NALCN: variants seen among roughly 807,000 people sequenced by gnomAD.
NALCN encodes the protein sodium leak channel, non-selective, also known as sodium leak channel NALCN.
Under a neutral mutation model 225.3 loss-of-function variants are expected in NALCN, and 111 were observed. The ratio of observed to expected loss-of-function variants is 0.49; its 90% CI spans 0.42 to 0.58. The LOEUF (loss-of-function observed/expected upper bound fraction) is 0.58. Ranked by LOEUF, NALCN falls within the 20% of genes least tolerant of loss-of-function variation. NALCN has a pLI of 0.00. For missense variants in NALCN, 1,378 were observed against 2,202.4 expected (o/e 0.63, Z 7.49); for synonymous variants, 764 against 769.0 (o/e 0.99, Z 0.11).
In NALCN at chr13:101,291,979, T is replaced by C. The variant is rs545567821; in HGVS notation, c.1047+11A>G. ...CGAATGGGTTATAACATCCTCTTGC[T>C]GATAGCGTACCTGGGTGGTGGCTGT... On this transcript the variant is annotated intron_variant, in intron 9 of 43. Transcript: ENST00000251127. The C allele has an allele frequency of 1.4e-4, 231 of 1,613,694 alleles. 3 individuals are homozygous for C. The South Asian group carries it at 2.4e-3, about 17-fold the overall frequency.
chr13:101,272,362 G>T (rs1295722347), intron 10 of NALCN, among the ~76,000 whole-genome samples: 1 of 152,196 alleles, frequency 6.6e-6, no homozygotes, highest in East Asian at 1.9e-4. Flanking sequence ...AAGAATTTGG[G>T]TCTGCTGTGT....
chr13:101,279,916 A>T (rs939338389), intron 10 of NALCN, among the ~76,000 whole-genome samples: 4 of 151,876 alleles, frequency 2.6e-5, no homozygotes, highest in Non-Finnish European at 4.4e-5. Context: ...CCTTGAGGGT[A>T]AGATACCATG....
intron 15 of NALCN, among the ~76,000 whole-genome samples, chr13:101,152,127 G>A (rs984631743): frequency 1.3e-5 from 2 of 152,112 alleles, no homozygotes; most frequent in Non-Finnish European, 2.9e-5. Flanking sequence ...TGGACGCATC[G>A]ACTGAAGCCA....
intron 13 of NALCN, among the ~76,000 whole-genome samples, chr13:101,221,598 C>G (rs1177672544): frequency 6.6e-6 from 1 of 152,152 alleles, no homozygotes; most frequent in Non-Finnish European, 1.5e-5. Flanking sequence ...ACCTCTACAA[C>G]CCAGGATTTT....
At position 101,145,046 on chromosome 13, in the gene NALCN, C is replaced by G. The variant is rs139619932; in HGVS notation, c.1840-150G>C. 9 of 768,520 alleles carry G rather than the reference C, an allele frequency of 1.2e-5. No individual in the cohort carries two copies. In the African/African-American group the frequency reaches 1.6e-4, roughly 14 times the overall value. The allele number at this position is 768,520 out of a possible 1,614,324, so 47.6% of individuals were successfully genotyped here. Reference sequence around the variant, plus strand: ...AGGCCTACCAAGTATACCTCTCTTGCCCGCCATAAATTGCTCTATGAGCTA... The same window carrying G: ...AGGCCTACCAAGTATACCTCTCTTGGCCGCCATAAATTGCTCTATGAGCTA... On this transcript the variant is annotated intron_variant, in intron 15 of 43. Transcript: ENST00000251127.
In NALCN at chr13:101,083,330, G is replaced by T. The variant is rs9518299; in HGVS notation, c.3584-132C>A. On this transcript the variant is annotated intron_variant, in intron 31 of 43. Coordinates refer to ENST00000251127, the MANE Select transcript of NALCN (RefSeq NM_052867.4). Reference sequence around the variant, plus strand: ...CCCAAACAGTTCCGTCTATTGTGAGGTGTTTTTGCAGCAATGGCTGGCTCT... The same window carrying T: ...CCCAAACAGTTCCGTCTATTGTGAGTTGTTTTTGCAGCAATGGCTGGCTCT... 48,942 of 756,064 alleles carry T rather than the reference G, an allele frequency of 0.065. 1,832 individuals carry two copies. The highest frequency in any genetic ancestry group is 0.11 in the South Asian group (5,982 of 53,758). The allele number at this position is 756,064 out of a possible 1,614,324, so 46.8% of individuals were successfully genotyped here.
chr13:101,262,639 T>C (rs1213877920), intron 10 of NALCN, among the ~76,000 whole-genome samples: 1 of 152,226 alleles, frequency 6.6e-6, no homozygotes, highest in Non-Finnish European at 1.5e-5. Flanking sequence ...TGGATTTATG[T>C]CTTAAGCAAA....
chr13:101,291,168 G>A (rs1391303383), intron 9 of NALCN, among the ~76,000 whole-genome samples: 1 of 152,088 alleles, frequency 6.6e-6, no homozygotes, highest in Non-Finnish European at 1.5e-5. Flanking sequence ...AATATATAGG[G>A]ATTCTTTAAA....
chr13:101,275,513 G>A (rs555513), intron 10 of NALCN, among the ~76,000 whole-genome samples: 40,094 of 151,972 alleles, frequency 0.26, 5,844 homozygotes, highest in Non-Finnish European at 0.32. Flanking sequence ...TTCCATAAAC[G>A]TGTCCTGTCG....
At chr13:101,386,960 G>A (rs2139456264) in intron 3 of NALCN, among the ~76,000 whole-genome samples, 1 of 152,140 alleles carries the variant, frequency 6.6e-6, no homozygotes, top group East Asian at 1.9e-4. Flanking sequence ...GGTGGCTCAC[G>A]CCTGTAATCC....
intron 13 of NALCN, among the ~76,000 whole-genome samples, chr13:101,217,051 A>G (rs1020512246): frequency 1.3e-5 from 2 of 152,174 alleles, no homozygotes; most frequent in African/African-American, 4.8e-5. Context: ...GTGGGAAATC[A>G]GAAGGAATAA....
intron 40 of NALCN, among the ~76,000 whole-genome samples, chr13:101,065,063 C>T (rs1322248873): frequency 1.3e-5 from 2 of 152,194 alleles, no homozygotes; most frequent in Non-Finnish European, 2.9e-5. Flanking sequence ...TCACTCAGCT[C>T]TTCTGGGCAG....
At chr13:101,127,370 G>GT (rs1358154283) in intron 17 of NALCN, among the ~76,000 whole-genome samples, 1 of 152,054 alleles carries the variant, frequency 6.6e-6, no homozygotes, top group African/African-American at 2.4e-5. Context: ...GTTTTGTTTT[G>GT]TTTTTTGAGA....
At chr13:101,359,328 G>T (rs995278784) in intron 6 of NALCN, among the ~76,000 whole-genome samples, 3 of 152,190 alleles carry the variant, frequency 2.0e-5, no homozygotes, top group African/African-American at 7.2e-5. Flanking sequence ...GCTCCCTAGG[G>T]TGCTAAAGAC....
At chr13:101,225,243 T>C (rs1328686787) in intron 13 of NALCN, among the ~76,000 whole-genome samples, 2 of 152,200 alleles carry the variant, frequency 1.3e-5, no homozygotes, top group South Asian at 2.1e-4. Context: ...TCTTTCCCTA[T>C]CTCCGCCTGC....
rs900371460 is a variant in NALCN, at chr13:101,074,784, T to C, written c.3955-122A>G. 2.0e-5 allele frequency: 24 copies of C among 1,187,898 alleles called. No individual in the cohort carries two copies. In the Admixed American group the frequency reaches 6.8e-4, roughly 34 times the overall value. The allele number at this position is 1,187,898 out of a possible 1,614,324, so 73.6% of individuals were successfully genotyped here. A position where few individuals can be genotyped will look rare whatever the true frequency, so the allele number is the denominator to read the frequency against. ...AGCTATGGAAGACCTGGGTAGCAAC[T>C]AATCTTTAAGCAGATTGGCTCAAAA... On this transcript the variant is annotated intron_variant, in intron 35 of 43. Coordinates refer to ENST00000251127, the MANE Select transcript of NALCN (RefSeq NM_052867.4).
At chr13:101,210,776 T>C (rs752755891) in intron 13 of NALCN, among the ~76,000 whole-genome samples, 59 of 152,192 alleles carry the variant, frequency 3.9e-4, no homozygotes, top group Non-Finnish European at 7.8e-4. Flanking sequence ...TGCTACTACT[T>C]GTTAAGTGCC....
intron 7 of NALCN, among the ~76,000 whole-genome samples, chr13:101,324,013 C>A (rs1337018736): frequency 6.6e-6 from 1 of 152,120 alleles, no homozygotes; most frequent in Non-Finnish European, 1.5e-5. Flanking sequence ...CCATGGGAAG[C>A]AACGTTTAAC....
chr13:101,211,650 C>CTA (rs5806203), intron 13 of NALCN, among the ~76,000 whole-genome samples: 72,575 of 145,384 alleles, frequency 0.5, 17,912 homozygotes, highest in South Asian at 0.54. Flanking sequence ...TGACAATAAA[C>CTA]TATATATATA....
Sources: allele counts gnomAD v4.1 joint callset (sites outside exome capture counted in the v4.1 genomes callset), GRCh38; gene constraint gnomAD v4.1.1; transcripts MANE v1.5; gene names NCBI Gene and HGNC (gene_info 2026-07-23, HGNC 2026-07-21).